GASK1A: variants seen among roughly 807,000 people sequenced by gnomAD.
The protein encoded by GASK1A is golgi associated kinase 1A, also known as Golgi-associated kinase 1A.
In GASK1A, 40 loss-of-function variants were observed where a neutral mutation model predicts 41.2. That is an observed-to-expected ratio of 0.97 (90% CI 0.75 to 1.27). The LOEUF (loss-of-function observed/expected upper bound fraction) is 1.27, where lower values mean the gene tolerates loss of function less well. GASK1A is among the 50% of genes most tolerant of loss of function. The pLI is 0.00. For synonymous variants in GASK1A, 316 were observed against 307.1 expected (o/e 1.03, Z -0.30); for missense variants, 678 against 745.1 (o/e 0.91, Z 1.05).
chr3:43,053,491 C>T, intron 2 of GASK1A, 30 bp from the exon 3 acceptor site: 1 of 1,512,636 alleles, frequency 6.6e-7, no homozygotes, highest in South Asian at 1.3e-5. Flanking sequence ...CCCCCTGCCG[C>T]ACCCCACCGA....
At chr3:43,011,199 T>C (rs1005861420) in intron 1 of GASK1A, among the ~76,000 whole-genome samples, 1 of 152,018 alleles carries the variant, frequency 6.6e-6, no homozygotes, top group Non-Finnish European at 1.5e-5. Context: ...CTGGCCAACA[T>C]GGTGAAACCC....
intron 1 of GASK1A, 66 bp downstream of exon 1, chr3:42,979,711 T>A: frequency 8.1e-7 from 1 of 1,241,644 alleles, no homozygotes; most frequent in Middle Eastern, 2.1e-4. Context: ...GTGGCTGCAG[T>A]CAACGCGCAG....
At chr3:43,054,287 A>T (rs967601185) in intron 3 of GASK1A, 4 of 158,778 alleles carry the variant, frequency 2.5e-5, no homozygotes, top group African/African-American at 9.6e-5. Flanking sequence ...GTGTCCAGGG[A>T]TGGGCTTCAG....
chr3:43,007,804 A>G (rs2089444124), intron 1 of GASK1A, among the ~76,000 whole-genome samples: 1 of 152,250 alleles, frequency 6.6e-6, no homozygotes, highest in South Asian at 2.1e-4. Context: ...GCTGAACAAC[A>G]GCATTACTTT....
chr3:43,033,713 A>G (rs1338840453), intron 2 of GASK1A, among the ~76,000 whole-genome samples, 160 bp downstream of exon 2: 2 of 152,068 alleles, frequency 1.3e-5, no homozygotes, highest in African/African-American at 4.8e-5. Flanking sequence ...GCCTCTGTTT[A>G]TTTATCCAGT....
chr3:42,997,970 T>C (rs1479046032), intron 1 of GASK1A, among the ~76,000 whole-genome samples: 4 of 151,938 alleles, frequency 2.6e-5, no homozygotes, highest in African/African-American at 9.7e-5. Flanking sequence ...CTCCTAGGAG[T>C]TGTCCTCCCC....
chr3:43,014,179 G>A (rs766089754), intron 1 of GASK1A, among the ~76,000 whole-genome samples: 9 of 152,098 alleles, frequency 5.9e-5, no homozygotes, highest in Admixed American at 2.6e-4. Context: ...TGAAGTCACA[G>A]GAAGGGGCTG....
intron 3 of GASK1A, 117 bp downstream of exon 3, chr3:43,053,760 T>C: frequency 8.5e-7 from 1 of 1,177,818 alleles, no homozygotes. Context: ...CCCAGTCTTG[T>C]TCTTTTCAGC....
Position 43,033,429 on chromosome 3 carries a change from C to T in GASK1A, c.1166C>T (p.Ala389Val). 1.3e-6 allele frequency: 2 copies of T among 1,551,520 alleles called. No individual in the cohort carries two copies. The highest frequency in any genetic ancestry group is 1.7e-6 in the Non-Finnish European group (2 of 1,147,004). Residue 389 changes from alanine (A) to valine (V), a missense_variant, in exon 2 of 5, where the codon GCC (alanine) becomes GTC (valine). Transcript: ENST00000430121. ...SDPDEDQNSLALGWLQYQALL... is the reference protein window; with the variant it reads ...SDPDEDQNSLVLGWLQYQALL... ...CCAGATGAGGATCAGAACTCTCTGG[C>T]CTTGGGCTGGCTGCAGTATCAGGCC...
chr3:43,038,878 C>T (rs9852740), intron 2 of GASK1A, among the ~76,000 whole-genome samples: 1,926 of 152,230 alleles, frequency 0.013, 47 homozygotes, highest in African/African-American at 0.044. Context: ...GGGAGTTCGG[C>T]CCTGACACAT....
Position 42,983,888 on chromosome 3 carries a change from G to A in GASK1A, c.3+4243G>A, listed in dbSNP as rs535841512. 5.1e-4 allele frequency among the ~76,000 whole-genome samples: 78 copies of A among 152,266 alleles called. 1 individual carries two copies. Among genetic ancestry groups the A allele is most frequent in the African/African-American group, 1.9e-3 (77 of 41,560 alleles). On this transcript the variant is annotated intron_variant, in intron 1 of 4. Coordinates refer to ENST00000430121, the MANE Select transcript of GASK1A (RefSeq NM_001129908.3). ...TGATCCAAAAAACAGGGATGTCGGG[G>A]GTGGTGGGAACAGGCCTCACAAAGA...
chr3:43,034,029 G>C (rs1254591200), intron 2 of GASK1A, among the ~76,000 whole-genome samples: 1 of 152,140 alleles, frequency 6.6e-6, no homozygotes, highest in African/African-American at 2.4e-5. Flanking sequence ...GTGAATATCT[G>C]TTTACACCAT....
Position 42,984,052 on chromosome 3 carries a change from G to A in GASK1A, c.3+4407G>A, listed in dbSNP as rs764662645. Among the ~76,000 whole-genome samples the A allele has an allele frequency of 6.6e-6, 1 of 152,274 alleles. No homozygotes were observed. The highest frequency in any genetic ancestry group is 1.5e-5 in the Non-Finnish European group (1 of 68,028). Reference sequence around the variant, plus strand: ...TAAGGTACTAGTAGAGACACAGAGTGCATCAGTTTTCTTTGAGGCATGGTT... The same window carrying A: ...TAAGGTACTAGTAGAGACACAGAGTACATCAGTTTTCTTTGAGGCATGGTT... On this transcript the variant is annotated intron_variant, in intron 1 of 4. Transcript: ENST00000430121. The surrounding 1 kb of genome is among the most constrained non-coding windows in gnomAD (Gnocchi z 4.2).
rs934499428 is a variant in GASK1A, at chr3:43,056,618, G to A, written c.*232G>A. On this transcript the variant is annotated 3_prime_UTR_variant, in exon 5 of 5. Coordinates refer to ENST00000430121, the MANE Select transcript of GASK1A (RefSeq NM_001129908.3). Reference sequence around the variant, plus strand: ...TTCCCTTGCACCAACAAATACATTCGAAAATGTTCTGTGAGCTGCTCAAGA... The same window carrying A: ...TTCCCTTGCACCAACAAATACATTCAAAAATGTTCTGTGAGCTGCTCAAGA... 9 of 458,906 alleles carry A rather than the reference G, an allele frequency of 2.0e-5. No individual in the cohort carries two copies. The highest frequency in any genetic ancestry group is 1.4e-4 in the Admixed American group (4 of 28,158). 28.4% of individuals were successfully genotyped at this position (458,906 alleles called of 1,614,324 possible).
chr3:43,006,023 C>G (rs1181831169), intron 1 of GASK1A, among the ~76,000 whole-genome samples: 1 of 152,008 alleles, frequency 6.6e-6, no homozygotes, highest in Non-Finnish European at 1.5e-5. Flanking sequence ...TTATGATCAC[C>G]TTTCCTTTCC....
intron 1 of GASK1A, among the ~76,000 whole-genome samples, chr3:43,022,011 T>C (rs1415963051): frequency 1.3e-5 from 2 of 152,174 alleles, no homozygotes; most frequent in South Asian, 2.1e-4. Context: ...GCCATGAACA[T>C]TGCAGGGCAG....
rs375027695 is a variant in GASK1A, at chr3:43,052,379, C to T, written c.1291-1142C>T. 6.6e-5 allele frequency among the ~76,000 whole-genome samples: 10 copies of T among 152,316 alleles called. No individual in the cohort carries two copies. In the East Asian group the frequency reaches 1.9e-3, roughly 29 times the overall value. Reference sequence around the variant, plus strand: ...CCTGCTTCCCTTCACCTTCTCTATTCCTCTGTCCTCCTCCTTCCACAGCAA... The same window carrying T: ...CCTGCTTCCCTTCACCTTCTCTATTTCTCTGTCCTCCTCCTTCCACAGCAA... On this transcript the variant is annotated intron_variant, in intron 2 of 4. Coordinates refer to ENST00000430121, the MANE Select transcript of GASK1A (RefSeq NM_001129908.3).
chr3:43,039,809 T>A (rs529853007), intron 2 of GASK1A, among the ~76,000 whole-genome samples: 1 of 152,290 alleles, frequency 6.6e-6, no homozygotes, highest in South Asian at 2.1e-4. Flanking sequence ...GTTCCTGAGT[T>A]AGTTTGCTTA....
chr3:43,046,982 A>T (rs2089666964), intron 2 of GASK1A, among the ~76,000 whole-genome samples: 1 of 152,236 alleles, frequency 6.6e-6, no homozygotes, highest in African/African-American at 2.4e-5. Context: ...GGATGTATGG[A>T]AACACCTGGA....
Sources: gnomAD v4.1 joint callset for allele counts (sites outside exome capture counted in the v4.1 genomes callset) on GRCh38, gnomAD v4.1.1 for gene constraint, Gnocchi (gnomAD v3.1) non-coding constraint, MANE v1.5 for transcripts, NCBI Gene and HGNC (gene_info 2026-07-23, HGNC 2026-07-21) for gene names.